Variants in GALNTL6 observed in about 807,000 individuals in gnomAD.
GALNTL6 encodes the protein polypeptide N-acetylgalactosaminyltransferase like 6.
GALNTL6 carries 46 observed loss-of-function variants against 73.7 expected under a neutral mutation model. That is an observed-to-expected ratio of 0.62 (90% confidence interval 0.49 to 0.80). GALNTL6 has a LOEUF of 0.80. GALNTL6 is among the 30% of genes least tolerant of loss of function. GALNTL6 has a pLI of 0.00. For synonymous variants in GALNTL6, 259 were observed against 263.7 expected (o/e 0.98, Z 0.17); for missense variants, 604 against 755.0 (o/e 0.80, Z 2.34).
chr4:172,685,542 C>G (rs1732867374), intron 5 of GALNTL6, among the ~76,000 whole-genome samples: 1 of 152,158 alleles, frequency 6.6e-6, no homozygotes, highest in African/African-American at 2.4e-5. Flanking sequence ...TAAAGATTCT[C>G]AGCTGTACTT....
intron 2 of GALNTL6, among the ~76,000 whole-genome samples, chr4:171,899,824 AC>A (rs1336044193): frequency 6.6e-6 from 1 of 152,136 alleles, no homozygotes; most frequent in African/African-American, 2.4e-5. Flanking sequence ...CTTTCTTAAC[AC>A]AATTAACTAA....
chr4:172,339,066 G>A (rs1427713954), intron 4 of GALNTL6, among the ~76,000 whole-genome samples: 1 of 152,098 alleles, frequency 6.6e-6, no homozygotes, highest in Non-Finnish European at 1.5e-5. Flanking sequence ...GATCTGCCTG[G>A]GCATAAAACA....
At chr4:172,077,801 TC>T (rs1442043187) in intron 2 of GALNTL6, among the ~76,000 whole-genome samples, 1 of 152,082 alleles carries the variant, frequency 6.6e-6, no homozygotes, top group Admixed American at 6.6e-5. Flanking sequence ...GGGGAAAATC[TC>T]TCTAGGGCAT....
intron 11 of GALNTL6, among the ~76,000 whole-genome samples, chr4:173,017,455 T>C (rs1290631137): frequency 6.6e-6 from 1 of 152,222 alleles, no homozygotes; most frequent in Non-Finnish European, 1.5e-5. Context: ...TTTCATAATG[T>C]CTGTTTCTGC....
At chr4:172,813,457 G>A (rs868211179) in intron 6 of GALNTL6, 83 bp from the exon 7 acceptor site, 6 of 1,144,446 alleles carry the variant, frequency 5.2e-6, no homozygotes, top group Middle Eastern at 4.0e-4. Flanking sequence ...CATTAGTGGA[G>A]GACTGTAGGC....
At chr4:172,221,607 T>C (rs1005949460) in intron 2 of GALNTL6, among the ~76,000 whole-genome samples, 3 of 151,766 alleles carry the variant, frequency 2.0e-5, no homozygotes, top group Non-Finnish European at 4.4e-5. Context: ...AAGAGAATAC[T>C]TTGAGAAAAA....
chr4:172,863,822 G>T (rs981028034), intron 7 of GALNTL6, among the ~76,000 whole-genome samples: 3 of 152,118 alleles, frequency 2.0e-5, no homozygotes, highest in Non-Finnish European at 2.9e-5. Context: ...GGAGCCAGGG[G>T]TGGAATTATA....
intron 10 of GALNTL6, among the ~76,000 whole-genome samples, chr4:172,982,403 A>G (rs1159017849): frequency 6.6e-6 from 1 of 152,206 alleles, no homozygotes; most frequent in Non-Finnish European, 1.5e-5. Flanking sequence ...GTCCCTGGCT[A>G]AGCTTCTTTG....
intron 2 of GALNTL6, among the ~76,000 whole-genome samples, chr4:171,896,370 A>G (rs752101866): frequency 2.0e-5 from 3 of 152,208 alleles, no homozygotes; most frequent in Non-Finnish European, 4.4e-5. Context: ...ATGACTGGGA[A>G]TAAATTGACC....
At chr4:172,112,831 CCTTTT>C (rs1732890732) in intron 2 of GALNTL6, among the ~76,000 whole-genome samples, 1 of 151,536 alleles carries the variant, frequency 6.6e-6, no homozygotes, top group African/African-American at 2.4e-5. Context: ...GATTCCTTAC[CCTTTT>C]AACCATAAGA....
At chr4:172,078,257 C>A (rs1420737719) in intron 2 of GALNTL6, among the ~76,000 whole-genome samples, 1 of 152,144 alleles carries the variant, frequency 6.6e-6, no homozygotes, top group African/African-American at 2.4e-5. Flanking sequence ...ATAGTGAGTT[C>A]TTATGATATG....
At chr4:172,404,778 T>C (rs1333353587) in intron 5 of GALNTL6, among the ~76,000 whole-genome samples, 1 of 152,104 alleles carries the variant, frequency 6.6e-6, no homozygotes, top group Admixed American at 6.6e-5. Flanking sequence ...TGATTTCAAG[T>C]GAAGTGTAAT....
intron 7 of GALNTL6, among the ~76,000 whole-genome samples, chr4:172,845,863 G>A (rs1214886811): frequency 2.0e-5 from 3 of 152,174 alleles, no homozygotes; most frequent in Admixed American, 2.0e-4. Flanking sequence ...TTTGTGTAAT[G>A]TTTAAATTGT....
At chr4:172,562,252 A>G (rs1736400545) in intron 5 of GALNTL6, among the ~76,000 whole-genome samples, 1 of 152,134 alleles carries the variant, frequency 6.6e-6, no homozygotes, top group Non-Finnish European at 1.5e-5. Context: ...CTCACCCCCA[A>G]TTTGGCCTCC....
At chr4:173,013,207 G>A (rs1752631196) in intron 11 of GALNTL6, among the ~76,000 whole-genome samples, 2 of 151,934 alleles carry the variant, frequency 1.3e-5, no homozygotes, top group African/African-American at 4.8e-5. Flanking sequence ...CTTCAGCCTG[G>A]GAGCAAGAGA....
chr4:172,086,828 C>T (rs1269972139), intron 2 of GALNTL6, among the ~76,000 whole-genome samples: 2 of 152,082 alleles, frequency 1.3e-5, no homozygotes, highest in Non-Finnish European at 2.9e-5. Flanking sequence ...TTTCCCTTTC[C>T]TATTTACTTA....
intron 7 of GALNTL6, among the ~76,000 whole-genome samples, chr4:172,825,102 C>CTTTCTT (rs1560977505): frequency 1.3e-5 from 1 of 74,342 alleles, no homozygotes; most frequent in Non-Finnish European, 3.0e-5. Flanking sequence ...TTCTTTCTTT[C>CTTTCTT]TTTCTTTCTT....
chr4:172,788,422 C>T (rs1177940497), intron 5 of GALNTL6, among the ~76,000 whole-genome samples: 2 of 152,034 alleles, frequency 1.3e-5, no homozygotes, highest in East Asian at 1.9e-4. Context: ...CCTGTAATCA[C>T]AGCACTTTGG....
rs377286949 is a variant in GALNTL6, at chr4:172,134,132, C to T, written c.139-95524C>T. ...GGCGCAATGGCTCACACCTGTAATC[C>T]CAGCACTTTGGGAGGCCGAGGCGGG... is the stretch of plus-strand genomic sequence containing the variant. On this transcript the variant is annotated intron_variant, in intron 2 of 12. Coordinates refer to ENST00000506823, the MANE Select transcript of GALNTL6 (RefSeq NM_001034845.3). Among the ~76,000 whole-genome samples the T allele has an allele frequency of 1.6e-3, 240 of 152,180 alleles. 2 individuals are homozygous for T. The highest frequency in any genetic ancestry group is 5.6e-3 in the African/African-American group (232 of 41,524).
Sources: gnomAD v4.1 joint callset for allele counts (sites outside exome capture counted in the v4.1 genomes callset) on GRCh38, gnomAD v4.1.1 for gene constraint, MANE v1.5 for transcripts, NCBI Gene and HGNC (gene_info 2026-07-23, HGNC 2026-07-21) for gene names.